NPAS3: variants seen among roughly 807,000 people sequenced by gnomAD.
NPAS3 encodes neuronal PAS domain protein 3, also known as neuronal PAS domain-containing protein 3.
A neutral mutation model predicts 73.1 loss-of-function variants in NPAS3; 14 were observed. That is an observed-to-expected ratio of 0.19 (90% CI 0.13 to 0.30). The LOEUF (loss-of-function observed/expected upper bound fraction) is 0.30, where lower values mean the gene tolerates loss of function less well. Among genes scored for constraint, NPAS3 ranks in the 10% least tolerant of loss-of-function variants. The pLI is 1.00. For synonymous variants in NPAS3, 620 were observed against 541.5 expected, an observed-to-expected ratio of 1.14 and a Z score of -2.01; for missense variants, 1,096 against 1,250.0, an observed-to-expected ratio of 0.88 and a Z score of 1.86.
chr14:33,723,338 G>A (rs1393078475), intron 6 of NPAS3, among the ~76,000 whole-genome samples: 1 of 151,966 alleles, frequency 6.6e-6, no homozygotes, highest in Non-Finnish European at 1.5e-5. Flanking sequence ...AAGGGCTGCC[G>A]GATTTACCAA....
chr14:33,037,296 G>A lies in NPAS3; in HGVS notation c.51-18609G>A, dbSNP rs530633566. Among the ~76,000 whole-genome samples, 256 of 151,988 alleles carry A rather than the reference G, an allele frequency of 1.7e-3. 1 individual carries two copies. The highest frequency in any genetic ancestry group is 3.2e-3 in the African/African-American group (132 of 41,462). Reference sequence around the variant, plus strand: ...TGGTTGGGACTTTGCCAAACTTCTCGAAATTATTATACTAGCCAACATATT... The same window carrying A: ...TGGTTGGGACTTTGCCAAACTTCTCAAAATTATTATACTAGCCAACATATT... On this transcript the variant is annotated intron_variant, in intron 1 of 11. Coordinates refer to ENST00000356141, the Ensembl canonical transcript of NPAS3.
intron 2 of NPAS3, among the ~76,000 whole-genome samples, chr14:33,152,824 G>A (rs766242963): frequency 1.3e-5 from 2 of 151,632 alleles, no homozygotes; most frequent in Non-Finnish European, 2.9e-5. Flanking sequence ...TTGGGTTCTT[G>A]GTGGTCTCTT....
chr14:33,497,448 A>G (rs1252703815), intron 4 of NPAS3, among the ~76,000 whole-genome samples: 4 of 152,166 alleles, frequency 2.6e-5, no homozygotes, highest in Admixed American at 6.5e-5. Context: ...ACTTCAAACT[A>G]TACTACAAGG....
chr14:33,245,517 T>C (rs2048345263), intron 3 of NPAS3, among the ~76,000 whole-genome samples: 1 of 152,208 alleles, frequency 6.6e-6, no homozygotes, highest in African/African-American at 2.4e-5. Context: ...TGACAAGATA[T>C]TAGATTCCTT....
intron 2 of NPAS3, among the ~76,000 whole-genome samples, chr14:33,146,247 A>G (rs2044232819): frequency 6.6e-6 from 1 of 152,206 alleles, no homozygotes; most frequent in African/African-American, 2.4e-5. Context: ...GTAGTTTGTA[A>G]GTAAAGTGGG....
intron 4 of NPAS3, among the ~76,000 whole-genome samples, chr14:33,491,121 A>G (rs1017141220): frequency 6.6e-6 from 1 of 152,212 alleles, no homozygotes; most frequent in Admixed American, 6.5e-5. Flanking sequence ...GACCTGGGTG[A>G]AAAGTTATTG....
At chr14:33,518,194 C>T (rs552569012) in intron 4 of NPAS3, among the ~76,000 whole-genome samples, 68 of 151,598 alleles carry the variant, frequency 4.5e-4, no homozygotes, top group African/African-American at 1.3e-3. Context: ...GCTCAGGCAG[C>T]GGGGGAGCCT....
intron 1 of NPAS3, among the ~76,000 whole-genome samples, chr14:32,970,880 G>A (rs2037391031): frequency 6.6e-6 from 1 of 151,982 alleles, no homozygotes; most frequent in African/African-American, 2.4e-5. Flanking sequence ...TTCTTTTAAC[G>A]GCATTTGCAA....
intron 5 of NPAS3, among the ~76,000 whole-genome samples, chr14:33,602,719 A>C (rs1206859456): frequency 2.6e-5 from 4 of 152,148 alleles, no homozygotes; most frequent in Non-Finnish European, 5.9e-5. Flanking sequence ...GACTCAGATA[A>C]ATACTAAGTT....
chr14:33,055,274 G>A (rs917117130), intron 1 of NPAS3, among the ~76,000 whole-genome samples: 3 of 151,818 alleles, frequency 2.0e-5, no homozygotes, highest in Admixed American at 6.5e-5. Flanking sequence ...TCCCCTTTTT[G>A]CCTTAACTGC....
chr14:33,346,527 CAAAAAAAAAAA>C (rs33926266), intron 3 of NPAS3, among the ~76,000 whole-genome samples: 7 of 70,942 alleles, frequency 9.9e-5, no homozygotes, highest in Non-Finnish European at 1.9e-4. Flanking sequence ...GACCCTGTCT[CAAAAAAAAAAA>C]AAAAAAAAAA....
At chr14:33,348,837 G>A (rs927070568) in intron 3 of NPAS3, among the ~76,000 whole-genome samples, 9 of 152,140 alleles carry the variant, frequency 5.9e-5, no homozygotes, top group African/African-American at 2.2e-4. Flanking sequence ...TCCTGTTTTG[G>A]GAAGAGGTGT....
intron 2 of NPAS3, among the ~76,000 whole-genome samples, chr14:33,138,508 T>C (rs1189763020): frequency 1.3e-5 from 2 of 152,068 alleles, no homozygotes; most frequent in African/African-American, 4.8e-5. Context: ...GAATTAAGGA[T>C]GGAAAAAAAG....
At chr14:33,729,163 T>C (rs139221942) in intron 6 of NPAS3, among the ~76,000 whole-genome samples, 51 of 152,266 alleles carry the variant, frequency 3.3e-4, no homozygotes, top group African/African-American at 1.2e-3. Flanking sequence ...CTTTTGCAAA[T>C]TTCCCATTTT....
At chr14:33,418,934 T>A (rs1330994196) in intron 4 of NPAS3, among the ~76,000 whole-genome samples, 1 of 151,902 alleles carries the variant, frequency 6.6e-6, no homozygotes, top group African/African-American at 2.4e-5. Context: ...GGCCAGGTGC[T>A]ATGGATTATA....
At chr14:33,089,809 A>G (rs1406855978) in intron 2 of NPAS3, among the ~76,000 whole-genome samples, 1 of 152,134 alleles carries the variant, frequency 6.6e-6, no homozygotes, top group African/African-American at 2.4e-5. Flanking sequence ...CTCGGCAGAA[A>G]CTCTACAAGC....
At chr14:33,511,625 T>C (rs1358543541) in intron 4 of NPAS3, among the ~76,000 whole-genome samples, 1 of 152,074 alleles carries the variant, frequency 6.6e-6, no homozygotes. Context: ...ATGTGATAGA[T>C]AAAGACTTAA....
At chr14:33,175,489 T>A (rs530166035) in intron 2 of NPAS3, among the ~76,000 whole-genome samples, 1 of 152,328 alleles carries the variant, frequency 6.6e-6, no homozygotes, top group African/African-American at 2.4e-5. Context: ...AAGCGGTGTT[T>A]AAATGATTTT....
intron 3 of NPAS3, among the ~76,000 whole-genome samples, chr14:33,352,514 A>C (rs1013828666): frequency 2.6e-5 from 4 of 152,208 alleles, no homozygotes; most frequent in African/African-American, 9.7e-5. Context: ...ATCTCACTCT[A>C]CAGATGAGGA....
Sources: allele counts gnomAD v4.1 joint callset (sites outside exome capture counted in the v4.1 genomes callset), GRCh38; gene constraint gnomAD v4.1.1; transcripts MANE v1.5; gene names NCBI Gene and HGNC (gene_info 2026-07-23, HGNC 2026-07-21).